ATRX: variants seen among roughly 807,000 people sequenced by gnomAD.
ATRX encodes ATRX chromatin remodeler, also known as chromatin remodeler ATRX.
ATRX carries 12 observed loss-of-function variants against 172.6 expected under a neutral mutation model. The ratio of observed to expected loss-of-function variants is 0.07; its 90% confidence interval spans 0.04 to 0.11. The LOEUF is 0.11. Ranked by LOEUF, ATRX falls within the 10% of genes least tolerant of loss-of-function variation. ATRX has a pLI of 1.00. For synonymous variants in ATRX, 674 were observed against 594.7 expected (o/e 1.13, Z -1.94); for missense variants, 1,368 against 1,767.4 (o/e 0.77, Z 4.05).
At chrX:77,601,075 T>C (rs1557086906) in intron 22 of ATRX, among the ~76,000 whole-genome samples, 1 of 111,273 alleles carries the variant, frequency 9.0e-6, no homozygotes, top group African/African-American at 3.3e-5. Context: ...CCCTAAATTC[T>C]ATCCATGGAC....
At chrX:77,605,894 A>C (rs1557090228) in intron 22 of ATRX, among the ~76,000 whole-genome samples, 2 of 111,874 alleles carry the variant, frequency 1.8e-5, no homozygotes, top group Admixed American at 9.5e-5. Context: ...AAATAAATGA[A>C]ATCAGAAATG....
intron 30 of ATRX, among the ~76,000 whole-genome samples, chrX:77,545,859 C>T (rs2064219526): frequency 9.0e-6 from 1 of 111,350 alleles, no homozygotes; most frequent in South Asian, 3.7e-4. Context: ...TGCCCCAGGA[C>T]CCCTGTCCTT....
At chrX:77,762,879 C>T (rs782092536) in intron 1 of ATRX, among the ~76,000 whole-genome samples, 5 of 110,884 alleles carry the variant, frequency 4.5e-5, no homozygotes, top group African/African-American at 1.6e-4. Flanking sequence ...CTTTTAACTA[C>T]AATTATGATG....
chrX:77,751,056 T>C (rs1199473086), intron 1 of ATRX, among the ~76,000 whole-genome samples: 1 of 112,056 alleles, frequency 8.9e-6, no homozygotes, highest in Non-Finnish European at 1.9e-5. Flanking sequence ...GTAATGGGAT[T>C]GCTGGGTCAA....
At chrX:77,760,968 A>T (rs1455432449) in intron 1 of ATRX, among the ~76,000 whole-genome samples, 1 of 111,934 alleles carries the variant, frequency 8.9e-6, no homozygotes, top group East Asian at 2.8e-4. Context: ...TTCAAGGAAA[A>T]GTTCAAAAAA....
intron 15 of ATRX, among the ~76,000 whole-genome samples, chrX:77,643,711 C>T (rs782065221): frequency 6.3e-5 from 7 of 111,085 alleles, no homozygotes; most frequent in East Asian, 5.7e-4. Flanking sequence ...AGCCACCACA[C>T]GCAGCTACTT....
At chrX:77,649,343 T>G (rs1242760920) in intron 15 of ATRX, among the ~76,000 whole-genome samples, 3 of 111,847 alleles carry the variant, frequency 2.7e-5, no homozygotes, top group Non-Finnish European at 5.6e-5. Context: ...GAAAAGCATT[T>G]GAAGAAATTC....
At position 77,746,817 on chromosome X, in the gene ATRX, GA is replaced by G. The variant is rs2075096191; in HGVS notation, c.21-29575del. ...TGATTTTTTGAAAAACCCTTTTTTT[GA>G]GATGGAGTCTTGCTCTGTGGCCCAG... is the stretch of plus-strand genomic sequence containing the variant. On this transcript the variant is annotated intron_variant, in intron 1 of 34. Transcript: ENST00000373344. Among the ~76,000 whole-genome samples the G allele has an allele frequency of 3.6e-5, 4 of 110,975 alleles. No homozygotes were observed. The South Asian group carries it at 1.5e-3, about 42-fold the overall frequency.
rs34097264 is a variant in ATRX, at chrX:77,756,338, C to A, written c.20+29644G>T. Among the ~76,000 whole-genome samples, 759 of 110,249 alleles carry A rather than the reference C, an allele frequency of 6.9e-3. 24 individuals carry two copies. Among genetic ancestry groups the A allele is most frequent in the Admixed American group, 0.067 (689 of 10,289 alleles). ...CACCTAGCTCCCTGGCTTCAGCCCC[C>A]TTTCCAGGGGAGTGAATGGGTCTAT... is the stretch of plus-strand genomic sequence containing the variant. On this transcript the variant is annotated intron_variant, in intron 1 of 34. Transcript: ENST00000373344.
At chrX:77,667,793 C>T (rs1227136774) in intron 10 of ATRX, among the ~76,000 whole-genome samples, 1 of 111,657 alleles carries the variant, frequency 9.0e-6, no homozygotes, top group Non-Finnish European at 1.9e-5. Context: ...TGTAGAAGTA[C>T]AACTTAGCGA....
intron 12 of ATRX, 77 bp from the exon 13 acceptor site, chrX:77,656,730 C>G: frequency 1.2e-6 from 1 of 826,245 alleles, no homozygotes; most frequent in Non-Finnish European, 1.7e-6. Context: ...ACCACTGACT[C>G]GACATTAAAA....
intron 5 of ATRX, among the ~76,000 whole-genome samples, chrX:77,695,225 T>G (rs1422784992): frequency 9.0e-6 from 1 of 110,683 alleles, no homozygotes; most frequent in Non-Finnish European, 1.9e-5. Flanking sequence ...GGTTCTGAAT[T>G]TGTTCCTTTA....
At chrX:77,618,159 G>T (rs1282852831) in intron 21 of ATRX, among the ~76,000 whole-genome samples, 2 of 112,177 alleles carry the variant, frequency 1.8e-5, no homozygotes, top group Non-Finnish European at 3.8e-5. Context: ...CCAACCAAAA[G>T]AATAGCCTGT....
chrX:77,772,236 G>A (rs782579755), intron 1 of ATRX, among the ~76,000 whole-genome samples: 5 of 106,865 alleles, frequency 4.7e-5, no homozygotes, highest in Non-Finnish European at 7.7e-5. Flanking sequence ...CAGAGAACCC[G>A]GGAGGCAGAG....
chrX:77,631,905 A>G (rs782136565), intron 19 of ATRX, among the ~76,000 whole-genome samples: 23 of 112,512 alleles, frequency 2.0e-4, no homozygotes, highest in Non-Finnish European at 3.2e-4. Flanking sequence ...ACAATTGAGG[A>G]ACCAGATGTA....
At chrX:77,519,734 G>C (rs2063167029) in intron 34 of ATRX, among the ~76,000 whole-genome samples, 1 of 111,806 alleles carries the variant, frequency 8.9e-6, no homozygotes, top group Admixed American at 9.5e-5. Flanking sequence ...AAGCACTATG[G>C]AGAACGGTTT....
At chrX:77,529,474 G>A (rs1040627669) in intron 30 of ATRX, among the ~76,000 whole-genome samples, 2 of 111,494 alleles carry the variant, frequency 1.8e-5, no homozygotes, top group Non-Finnish European at 3.8e-5. Context: ...TGGAAAACCT[G>A]TAAGCCGGAA....
intron 1 of ATRX, among the ~76,000 whole-genome samples, chrX:77,740,164 A>G (rs1389477577): frequency 2.7e-5 from 3 of 109,763 alleles, no homozygotes; most frequent in Non-Finnish European, 5.7e-5. Flanking sequence ...CTGACAAGAA[A>G]AAACGCTGAG....
chrX:77,529,702 A>C (rs992605337), intron 30 of ATRX, among the ~76,000 whole-genome samples: 1 of 112,130 alleles, frequency 8.9e-6, no homozygotes, highest in South Asian at 3.8e-4. Context: ...CACTAAAAAA[A>C]ACACTGAAGT....
Sources: allele counts gnomAD v4.1 joint callset (sites outside exome capture counted in the v4.1 genomes callset), GRCh38; gene constraint gnomAD v4.1.1; transcripts MANE v1.5; gene names NCBI Gene and HGNC (gene_info 2026-07-23, HGNC 2026-07-21).